Variants in MBD5 observed in about 807,000 individuals in gnomAD.
The protein encoded by MBD5 is methyl-CpG-binding domain protein 5.
In MBD5, 13 loss-of-function variants were observed where a neutral mutation model predicts 117.3. The ratio of observed to expected loss-of-function variants is 0.11; its 90% CI spans 0.07 to 0.18. The LOEUF (loss-of-function observed/expected upper bound fraction) is 0.18. Among genes scored for constraint, MBD5 ranks in the 10% least tolerant of loss-of-function variants. MBD5 has a pLI of 1.00. For synonymous variants in MBD5, 727 were observed against 766.4 expected, an observed-to-expected ratio of 0.95 and a Z score of 0.85; for missense variants, 1,879 against 2,093.8, an observed-to-expected ratio of 0.90 and a Z score of 2.00.
intron 2 of MBD5, among the ~76,000 whole-genome samples, chr2:148,215,168 CAGT>C (rs1699521273): frequency 6.6e-6 from 1 of 152,184 alleles, no homozygotes; most frequent in African/African-American, 2.4e-5. Flanking sequence ...TCATTACTAA[CAGT>C]AGTGTGAAAT....
At chr2:148,150,484 A>T (rs1434034208) in intron 1 of MBD5, among the ~76,000 whole-genome samples, 2 of 152,126 alleles carry the variant, frequency 1.3e-5, no homozygotes, top group African/African-American at 4.8e-5. Context: ...GAAGAAAGTC[A>T]TTGGTAGCTT....
chr2:148,480,997 G>A (rs938638355), intron 8 of MBD5, among the ~76,000 whole-genome samples: 5 of 151,928 alleles, frequency 3.3e-5, no homozygotes, highest in Admixed American at 6.6e-5. Context: ...CCACTACTAT[G>A]ACTACTAATG....
At chr2:148,390,786 C>G (rs1463176002) in intron 4 of MBD5, among the ~76,000 whole-genome samples, 2 of 152,052 alleles carry the variant, frequency 1.3e-5, no homozygotes, top group Non-Finnish European at 2.9e-5. Context: ...GTCTCGAACT[C>G]CTGGGCTCAG....
At chr2:148,089,850 G>A (rs951006893) in intron 1 of MBD5, among the ~76,000 whole-genome samples, 1 of 151,786 alleles carries the variant, frequency 6.6e-6, no homozygotes, top group Non-Finnish European at 1.5e-5. Context: ...GATCAGAGCA[G>A]AACTAAATGA....
intron 1 of MBD5, among the ~76,000 whole-genome samples, chr2:148,081,457 C>T (rs1461889288): frequency 5.3e-5 from 8 of 152,104 alleles, no homozygotes; most frequent in African/African-American, 1.9e-4. Flanking sequence ...CTCCTGGTTT[C>T]GACTACAATA....
intron 1 of MBD5, among the ~76,000 whole-genome samples, chr2:148,086,316 AC>A (rs1348451540): frequency 1.3e-5 from 2 of 152,026 alleles, no homozygotes; most frequent in African/African-American, 2.4e-5. Context: ...GTAACTGTTA[AC>A]CATAATAGAT....
At chr2:148,206,123 C>CA (rs758698506) in intron 2 of MBD5, among the ~76,000 whole-genome samples, 1,263 of 108,348 alleles carry the variant, frequency 0.012, 10 homozygotes, top group Non-Finnish European at 0.015. Context: ...GACCCTGTCT[C>CA]AAAAAAAAAA....
chr2:148,376,417 G>A (rs1703989485), intron 4 of MBD5, among the ~76,000 whole-genome samples: 2 of 150,572 alleles, frequency 1.3e-5, no homozygotes. Flanking sequence ...ACAGGCGCCC[G>A]CCACAACGCC....
At chr2:148,508,786 A>G (rs1295331397) in intron 12 of MBD5, among the ~76,000 whole-genome samples, 1 of 152,160 alleles carries the variant, frequency 6.6e-6, no homozygotes, top group Non-Finnish European at 1.5e-5. Flanking sequence ...ATTTTTTGAA[A>G]CATAGGACCA....
chr2:148,490,727 T>G, intron 11 of MBD5, 133 bp downstream of exon 11: 3 of 1,095,636 alleles, frequency 2.7e-6, no homozygotes, highest in Non-Finnish European at 4.0e-6. Flanking sequence ...TCTCACAAGC[T>G]TCTGGAGCAT....
chr2:148,324,429 G>A (rs1702385948), intron 3 of MBD5, among the ~76,000 whole-genome samples: 1 of 152,164 alleles, frequency 6.6e-6, no homozygotes, highest in Non-Finnish European at 1.5e-5. Context: ...ACCTTGGGCA[G>A]TATGGCCATT....
intron 3 of MBD5, among the ~76,000 whole-genome samples, chr2:148,257,000 C>T (rs144367213): frequency 1.2e-4 from 19 of 152,344 alleles, no homozygotes; most frequent in African/African-American, 4.3e-4. Context: ...TAGGCTAAGT[C>T]ATCCACACGA....
intron 4 of MBD5, among the ~76,000 whole-genome samples, chr2:148,388,169 T>C (rs914536619): frequency 3.9e-5 from 6 of 152,178 alleles, no homozygotes; most frequent in Admixed American, 2.0e-4. Flanking sequence ...TACCTAAATA[T>C]GTGGTAAAAG....
At position 148,158,789 on chromosome 2, in the gene MBD5, A is replaced by G. The variant is rs188965018; in HGVS notation, c.-924-19911A>G. ...GGCTGGAGTGCAGTGGCGCAATCTC[A>G]GCTCACTGCAAGCTCCGCCTCCCGG... On this transcript the variant is annotated intron_variant, in intron 1 of 13. Transcript: ENST00000642680. Among the ~76,000 whole-genome samples, 247 of 152,070 alleles carry G rather than the reference A, an allele frequency of 1.6e-3. 8 individuals are homozygous for G. The East Asian group carries it at 0.037, about 23-fold the overall frequency.
intron 1 of MBD5, among the ~76,000 whole-genome samples, chr2:148,151,572 A>T (rs925957998): frequency 1.3e-5 from 2 of 152,096 alleles, no homozygotes; most frequent in African/African-American, 2.4e-5. Context: ...ATCTGGTCCT[A>T]GACTCTTTTT....
intron 4 of MBD5, among the ~76,000 whole-genome samples, chr2:148,401,029 T>A (rs569457125): frequency 3.9e-5 from 6 of 152,198 alleles, no homozygotes; most frequent in Non-Finnish European, 8.8e-5. Flanking sequence ...TATCTGACTT[T>A]TGAGATATCA....
chr2:148,059,096 A>T (rs1694954861), intron 1 of MBD5, among the ~76,000 whole-genome samples: 1 of 152,240 alleles, frequency 6.6e-6, no homozygotes, highest in South Asian at 2.1e-4. Flanking sequence ...CAGAACAAAG[A>T]CTTCTAGATG....
At chr2:148,274,427 A>G (rs1312767885) in intron 3 of MBD5, among the ~76,000 whole-genome samples, 1 of 151,450 alleles carries the variant, frequency 6.6e-6, no homozygotes, top group Non-Finnish European at 1.5e-5. Context: ...TTTTTGTTGA[A>G]ATAATCTCGA....
chr2:148,139,825 G>A (rs1438249830), intron 1 of MBD5, among the ~76,000 whole-genome samples: 1 of 152,088 alleles, frequency 6.6e-6, no homozygotes, highest in East Asian at 1.9e-4. Flanking sequence ...TCCCTGGCTT[G>A]GTGGGCCCCA....
Sources: gnomAD v4.1 joint callset for allele counts (sites outside exome capture counted in the v4.1 genomes callset) on GRCh38, gnomAD v4.1.1 for gene constraint, MANE v1.5 for transcripts, NCBI Gene and HGNC (gene_info 2026-07-23, HGNC 2026-07-21) for gene names.